The following NCAM2 variants were observed in gnomAD, a reference collection of about 807,000 sequenced individuals.
The protein encoded by NCAM2 is neural cell adhesion molecule 2.
Under a neutral mutation model 98.1 loss-of-function variants are expected in NCAM2, and 30 were observed. The ratio of observed to expected loss-of-function variants is 0.31; its 90% confidence interval spans 0.23 to 0.41. NCAM2 has a LOEUF of 0.41. Among genes scored for constraint, NCAM2 ranks in the 10% least tolerant of loss-of-function variants. The pLI is 1.00. For missense variants in NCAM2, 867 were observed against 1,005.8 expected (o/e 0.86, Z 1.87); for synonymous variants, 368 against 342.4 (o/e 1.07, Z -0.83).
At chr21:21,398,748 C>A (rs1038342108) in intron 9 of NCAM2, among the ~76,000 whole-genome samples, 17 of 152,130 alleles carry the variant, frequency 1.1e-4, no homozygotes, top group Non-Finnish European at 1.5e-4. Flanking sequence ...CAAGAGAGCT[C>A]ATACTAAATA....
At chr21:21,271,746 A>C (rs2072508314) in intron 1 of NCAM2, among the ~76,000 whole-genome samples, 1 of 152,188 alleles carries the variant, frequency 6.6e-6, no homozygotes, top group South Asian at 2.1e-4. Flanking sequence ...GAAAAGAAAT[A>C]GAGTAATAAA....
chr21:21,282,825 G>C (rs1441402535), intron 2 of NCAM2, among the ~76,000 whole-genome samples: 2 of 151,732 alleles, frequency 1.3e-5, no homozygotes, highest in African/African-American at 4.8e-5. Flanking sequence ...GAAATTATTT[G>C]TTAGAGATGC....
chr21:21,239,097 A>C (rs2070961694), intron 1 of NCAM2, among the ~76,000 whole-genome samples: 1 of 152,216 alleles, frequency 6.6e-6, no homozygotes, highest in African/African-American at 2.4e-5. Flanking sequence ...GAGCTCCCTC[A>C]TCTCCTTTAT....
chr21:21,411,073 C>T (rs62207438), intron 10 of NCAM2, among the ~76,000 whole-genome samples: 16 of 15,846 alleles, frequency 1.0e-3, no homozygotes, highest in African/African-American at 1.2e-3. Context: ...TATATATACA[C>T]ACACATATAT....
Position 21,284,367 on chromosome 21 carries a change from A to G in NCAM2, c.304A>G (p.Thr102Ala). The change falls in exon 3 of 18, where the codon ACA (threonine) becomes GCA (alanine). Residue 102 changes from threonine to alanine, a missense_variant. Around this residue, in one of 5 missense-constraint regions of NCAM2, gnomAD observed 447 missense variants for 495.7 expected, o/e 0.90. Coordinates refer to ENST00000400546, the MANE Select transcript of NCAM2 (RefSeq NM_004540.5). Reference protein sequence around the residue: ...RCQATDAKGQTQEATVVLEIY... With the variant: ...RCQATDAKGQAQEATVVLEIY... ...TCAAGCAACAGATGCCAAAGGACAA[A>G]CACAAGAAGCTACAGTAGTTTTGGA... is the stretch of plus-strand genomic sequence containing the variant. 6.2e-7 allele frequency: 1 copy of G among 1,612,556 alleles called. No homozygotes were observed. The highest frequency in any genetic ancestry group is 8.5e-7 in the Non-Finnish European group (1 of 1,178,934).
At chr21:21,426,695 A>G (rs1197863138) in intron 11 of NCAM2, among the ~76,000 whole-genome samples, 1 of 152,136 alleles carries the variant, frequency 6.6e-6, no homozygotes, top group Admixed American at 6.6e-5. Flanking sequence ...TGCTACTCTC[A>G]TTCATATCTG....
intron 1 of NCAM2, among the ~76,000 whole-genome samples, chr21:21,253,810 T>C (rs2071560844): frequency 6.6e-6 from 1 of 152,130 alleles, no homozygotes; most frequent in Non-Finnish European, 1.5e-5. Flanking sequence ...ATCAGGGAAA[T>C]CGCTTAAACA....
intron 1 of NCAM2, among the ~76,000 whole-genome samples, chr21:21,265,257 G>T (rs1410321353): frequency 1.6e-5 from 2 of 122,562 alleles, no homozygotes; most frequent in African/African-American, 6.0e-5. Context: ...GTATATATAC[G>T]TATATACACA....
At chr21:21,009,729 G>C (rs1361134842) in intron 1 of NCAM2, among the ~76,000 whole-genome samples, 1 of 151,894 alleles carries the variant, frequency 6.6e-6, no homozygotes, top group Non-Finnish European at 1.5e-5. Flanking sequence ...TCATTCTATT[G>C]TTATTGGAAA....
chr21:21,007,833 A>G (rs531255876), intron 1 of NCAM2, among the ~76,000 whole-genome samples: 80 of 152,212 alleles, frequency 5.3e-4, no homozygotes, highest in South Asian at 1.0e-3. Context: ...TGTGACTTAG[A>G]ATGCCTAATC....
intron 9 of NCAM2, among the ~76,000 whole-genome samples, chr21:21,406,167 C>T (rs2076734318): frequency 6.6e-6 from 1 of 152,168 alleles, no homozygotes; most frequent in Admixed American, 6.6e-5. Context: ...GTGCTCAAGA[C>T]TATTGCAATA....
At chr21:21,126,328 C>G (rs2066824421) in intron 1 of NCAM2, among the ~76,000 whole-genome samples, 1 of 150,470 alleles carries the variant, frequency 6.6e-6, no homozygotes, top group Non-Finnish European at 1.5e-5. Flanking sequence ...TGGTCCACTT[C>G]TCAGATTTTG....
At chr21:21,154,750 A>G (rs2067558579) in intron 1 of NCAM2, among the ~76,000 whole-genome samples, 2 of 151,892 alleles carry the variant, frequency 1.3e-5, no homozygotes, top group East Asian at 3.9e-4. Context: ...GTGTATGTTT[A>G]TATGCATGTG....
intron 1 of NCAM2, among the ~76,000 whole-genome samples, chr21:21,269,528 C>A (rs1286577966): frequency 2.0e-5 from 3 of 152,116 alleles, no homozygotes; most frequent in Non-Finnish European, 1.5e-5. Context: ...TACTGAAAAC[C>A]TACACATGCC....
rs2075046320 is a variant in NCAM2 at position 21,341,796 on chromosome 21, A to G, written c.1044+3262A>G. ...ACCATGTGACTTAAATGTATAGATG[A>G]GTGAATGCTCTTATACTGAGCTCAA... is the stretch of plus-strand genomic sequence containing the variant. On this transcript the variant is annotated intron_variant, in intron 8 of 17. Transcript: ENST00000400546. Among the ~76,000 whole-genome samples the G allele has an allele frequency of 1.3e-5, 2 of 151,566 alleles. 1 individual carries two copies. Among genetic ancestry groups the G allele is most frequent in the Admixed American group, 1.3e-4 (2 of 15,186 alleles).
intron 1 of NCAM2, among the ~76,000 whole-genome samples, chr21:21,079,525 G>A (rs1346430048): frequency 6.6e-6 from 1 of 152,070 alleles, no homozygotes; most frequent in African/African-American, 2.4e-5. Context: ...AATTGGTAAG[G>A]AAATGAATAT....
At chr21:21,475,780 G>T (rs1004924949) in intron 14 of NCAM2, among the ~76,000 whole-genome samples, 3 of 152,058 alleles carry the variant, frequency 2.0e-5, no homozygotes, top group Non-Finnish European at 2.9e-5. Context: ...TTCGTTAGGG[G>T]TTCTAATATC....
intron 1 of NCAM2, among the ~76,000 whole-genome samples, chr21:21,100,847 C>T (rs1009560591): frequency 5.3e-5 from 8 of 152,062 alleles, no homozygotes; most frequent in African/African-American, 1.9e-4. Context: ...GAGCACCCTT[C>T]TTTCAGGAAG....
intron 13 of NCAM2, among the ~76,000 whole-genome samples, chr21:21,468,341 T>C (rs1325082093): frequency 1.3e-5 from 2 of 152,000 alleles, no homozygotes; most frequent in African/African-American, 4.8e-5. Context: ...ATAAAAATGA[T>C]TTAATACTAT....
Sources: allele counts gnomAD v4.1 joint callset (sites outside exome capture counted in the v4.1 genomes callset), GRCh38; gene constraint gnomAD v4.1.1; regional missense constraint gnomAD v4.1.1; transcripts MANE v1.5; gene names NCBI Gene and HGNC (gene_info 2026-07-23, HGNC 2026-07-21).